Variants in DMD observed in about 807,000 individuals in gnomAD.
The protein encoded by DMD is dystrophin.
Under a neutral mutation model 330.1 loss-of-function variants are expected in DMD, and 63 were observed. The observed-to-expected ratio is 0.19, with a 90% CI of 0.16 to 0.24. The LOEUF is 0.24. DMD is among the 10% of genes least tolerant of loss of function. The probability of loss-of-function intolerance (pLI) is 1.00; values close to 1 mark genes in which losing one functional copy is unlikely to be tolerated. For missense variants in DMD, 3,344 were observed against 2,684.1 expected (o/e 1.25, Z -5.43); for synonymous variants, 1,223 against 959.8 (o/e 1.27, Z -5.07).
chrX:32,155,372 T>G, intron 44 of DMD: 1 of 750,837 alleles, frequency 1.3e-6, no homozygotes, highest in Non-Finnish European at 1.6e-6. Context: ...CTTGCCTACC[T>G]TAATAAGGTG....
intron 1 of DMD, among the ~76,000 whole-genome samples, chrX:33,185,792 T>C (rs2148763178): frequency 8.9e-6 from 1 of 112,004 alleles, no homozygotes; most frequent in Admixed American, 9.5e-5. Context: ...TGATTAGCTA[T>C]TAACAATTTT....
intron 45 of DMD, among the ~76,000 whole-genome samples, chrX:31,946,616 A>G (rs952173620): frequency 6.3e-5 from 7 of 111,705 alleles, no homozygotes; most frequent in Non-Finnish European, 1.3e-4. Context: ...TTAAAATACT[A>G]GAATCCAAAG....
intron 44 of DMD, among the ~76,000 whole-genome samples, chrX:32,087,538 T>C (rs1218862156): frequency 1.8e-5 from 2 of 111,833 alleles, no homozygotes; most frequent in Non-Finnish European, 3.8e-5. Flanking sequence ...TTCTCCTTAC[T>C]GATACATCGT....
At chrX:31,409,047 G>T (rs1321062960) in intron 60 of DMD, among the ~76,000 whole-genome samples, 2 of 111,020 alleles carry the variant, frequency 1.8e-5, no homozygotes, top group African/African-American at 3.3e-5. Context: ...TTGGTTTTTG[G>T]TCCTTGTGAT....
intron 60 of DMD, among the ~76,000 whole-genome samples, chrX:31,380,138 C>G (rs1270218966): frequency 1.8e-5 from 2 of 111,042 alleles, no homozygotes; most frequent in Non-Finnish European, 3.8e-5. Flanking sequence ...ACCTCCATAA[C>G]TGTTGTAGGT....
chrX:33,161,242 G>T, intron 1 of DMD, among the ~76,000 whole-genome samples: 1 of 111,207 alleles, frequency 9.0e-6, no homozygotes, highest in South Asian at 3.8e-4. Context: ...CTGTTCTAAG[G>T]GTATCACAAA....
chrX:31,713,415 T>G (rs2084792786), intron 52 of DMD, among the ~76,000 whole-genome samples: 1 of 111,927 alleles, frequency 8.9e-6, no homozygotes. Flanking sequence ...ACTTTCATTT[T>G]TCTTTGCTTG....
rs1236459366 is a variant in DMD, at chrX:32,485,019, T to A, written c.2703A>T (p.Gly901=). ...KIQSIALKEK[G]QGPMFLDADF... ...CTGCATCCAGGAACATGGGTCCTTG[T>A]CCTTTCTCTTTCAGGGCTATGCTTT... The change falls in exon 21 of 79, where the codon GGA becomes GGT. Residue 901 remains glycine (G), a synonymous_variant. Coordinates refer to ENST00000357033, the MANE Select transcript of DMD (RefSeq NM_004006.3). 1 of 1,211,534 alleles carries A rather than the reference T, an allele frequency of 8.3e-7. No individual in the cohort carries two copies. Among genetic ancestry groups the A allele is most frequent in the Non-Finnish European group, 1.1e-6 (1 of 895,161 alleles).
chrX:32,887,404 G>A (rs1603458119), intron 2 of DMD, among the ~76,000 whole-genome samples: 1 of 109,327 alleles, frequency 9.1e-6, no homozygotes, highest in Admixed American at 9.8e-5. Context: ...TACAAGAATC[G>A]ACTCAAAATG....
At chrX:32,783,746 T>G (rs1483540159) in intron 7 of DMD, among the ~76,000 whole-genome samples, 1 of 111,154 alleles carries the variant, frequency 9.0e-6, no homozygotes, top group East Asian at 2.8e-4. Flanking sequence ...AAATATGACA[T>G]CATTTATATA....
Position 31,773,863 on chromosome X carries a change from G to A in DMD, c.7542+97C>T, listed in dbSNP as rs2090496841. The A allele has an allele frequency of 3.9e-5, 28 of 716,805 alleles. No homozygotes were observed. The South Asian group carries it at 6.0e-4, about 15-fold the overall frequency. The allele number at this position is 716,805 out of a possible 1,213,427, so 59.1% of individuals were successfully genotyped here. ...TGCTGAGAGAGAAACAGTTGCCTAAGAACTGGTGGGAAATGGTCTAGGAGA... is the reference window on the plus strand; with the variant it reads ...TGCTGAGAGAGAAACAGTTGCCTAAAAACTGGTGGGAAATGGTCTAGGAGA... On this transcript the variant is annotated intron_variant, in intron 51 of 78. Transcript: ENST00000357033.
chrX:32,402,811 C>T (rs1486479909), intron 30 of DMD, among the ~76,000 whole-genome samples: 1 of 111,423 alleles, frequency 9.0e-6, no homozygotes, highest in African/African-American at 3.3e-5. Context: ...TATTAAGTTC[C>T]ATTGGAAAAA....
In DMD at chrX:31,366,820, G is replaced by C. The variant is rs778145450; in HGVS notation, c.9085-18186C>G. 2.7e-4 allele frequency among the ~76,000 whole-genome samples: 29 copies of C among 108,955 alleles called. No homozygotes were observed. In the South Asian group the frequency reaches 5.9e-3, roughly 22 times the overall value. The allele number at this position is 108,955 out of a possible 115,157, so 94.6% of individuals were successfully genotyped here. A position where few individuals can be genotyped will look rare whatever the true frequency, so the allele number is the denominator to read the frequency against. On this transcript the variant is annotated intron_variant, in intron 60 of 78. Transcript: ENST00000357033. Reference sequence around the variant, plus strand: ...TTAGCATTTTAGTCTATTTCTGTCTGTCTGATTTTTTTCTTCTATTCAAAG... The same window carrying C: ...TTAGCATTTTAGTCTATTTCTGTCTCTCTGATTTTTTTCTTCTATTCAAAG...
At chrX:31,194,696 C>A (rs1366920587) in intron 67 of DMD, among the ~76,000 whole-genome samples, 2 of 111,852 alleles carry the variant, frequency 1.8e-5, no homozygotes, top group Non-Finnish European at 3.8e-5. Context: ...TGGTTGGAAA[C>A]CGTTATTTCT....
chrX:32,649,807 T>C lies in DMD; in HGVS notation c.961-4655A>G, dbSNP rs188570733. On this transcript the variant is annotated intron_variant, in intron 9 of 78. Coordinates refer to ENST00000357033, the MANE Select transcript of DMD (RefSeq NM_004006.3). ...AAATATATTTTAAAATCCAGTTTAC[T>C]ATCTGTCTGATCTTGGGTATTTAAC... Among the ~76,000 whole-genome samples the C allele has an allele frequency of 8.7e-3, 966 of 111,024 alleles. 6 individuals are homozygous for C. The highest frequency in any genetic ancestry group is 0.014 in the Non-Finnish European group (762 of 53,079).
chrX:32,892,511 G>C (rs7061827), intron 2 of DMD, among the ~76,000 whole-genome samples: 37,786 of 110,330 alleles, frequency 0.34, 4,879 homozygotes, highest in African/African-American at 0.44. Flanking sequence ...GTCATGCCTC[G>C]GCCTCCCAAA....
At chrX:31,295,209 A>G (rs1415414595) in intron 62 of DMD, among the ~76,000 whole-genome samples, 4 of 109,631 alleles carry the variant, frequency 3.6e-5, no homozygotes, top group Non-Finnish European at 7.6e-5. Context: ...GTTAGCCAGG[A>G]TGATCTCGAT....
intron 1 of DMD, among the ~76,000 whole-genome samples, chrX:33,238,174 A>T (rs964447042): frequency 8.9e-6 from 1 of 112,215 alleles, no homozygotes; most frequent in Non-Finnish European, 1.9e-5. Context: ...CAGGTATATG[A>T]CATGCAGCAT....
chrX:32,586,258 T>A (rs988922993), intron 13 of DMD, among the ~76,000 whole-genome samples: 1 of 110,180 alleles, frequency 9.1e-6, no homozygotes, highest in East Asian at 2.8e-4. Flanking sequence ...TACTGAACAG[T>A]GTCGTTCTAG....
Sources: gnomAD v4.1 joint callset for allele counts (sites outside exome capture counted in the v4.1 genomes callset) on GRCh38, gnomAD v4.1.1 for gene constraint, MANE v1.5 for transcripts, NCBI Gene and HGNC (gene_info 2026-07-23, HGNC 2026-07-21) for gene names.